The following NFKB1 variants were observed in gnomAD, a reference collection of about 807,000 sequenced individuals.
NFKB1 encodes the protein nuclear factor kappa B subunit 1.
NFKB1 carries 9 observed loss-of-function variants against 105.1 expected under a neutral mutation model. That is an observed-to-expected ratio of 0.09 (90% CI 0.05 to 0.15). The LOEUF is 0.15. NFKB1 is among the 10% of genes least tolerant of loss of function. NFKB1 has a pLI of 1.00. For missense variants in NFKB1, 830 were observed against 1,203.7 expected (o/e 0.69, Z 4.59); for synonymous variants, 440 against 442.2 (o/e 1.00, Z 0.06).
At chr4:102,588,444 CAAAAAAAAATA>C (rs1004034176) in intron 11 of NFKB1, among the ~76,000 whole-genome samples, 3 of 134,050 alleles carry the variant, frequency 2.2e-5, no homozygotes, top group African/African-American at 8.3e-5. Context: ...TGTACAAAAG[CAAAAAAAAATA>C]AAAAAAAAAT....
At chr4:102,600,249 A>C (rs1446017850) in intron 15 of NFKB1, among the ~76,000 whole-genome samples, 1 of 152,230 alleles carries the variant, frequency 6.6e-6, no homozygotes, top group Non-Finnish European at 1.5e-5. Context: ...GAGCAAAAAC[A>C]TTCCAGGCAG....
intron 3 of NFKB1, among the ~76,000 whole-genome samples, chr4:102,533,399 A>C (rs186496561): frequency 1.4e-4 from 22 of 152,340 alleles, no homozygotes; most frequent in Admixed American, 4.6e-4. Context: ...ATTTCACATT[A>C]AGCACACTCT....
rs534608285 is a variant in NFKB1, at chr4:102,557,465, A to G, written c.259-9522A>G. ...GCTCTTTATTGAAACATACTCCACTAGTTTGAGATCTTGGAGGTGTACCCC... is the reference window on the plus strand; with the variant it reads ...GCTCTTTATTGAAACATACTCCACTGGTTTGAGATCTTGGAGGTGTACCCC... On this transcript the variant is annotated intron_variant, in intron 5 of 23. Transcript: ENST00000226574. Among the ~76,000 whole-genome samples, 433 of 152,230 alleles carry G rather than the reference A, an allele frequency of 2.8e-3. 3 individuals are homozygous for G. The highest frequency in any genetic ancestry group is 0.02 in the Middle Eastern group (6 of 294).
Position 102,523,882 on chromosome 4 carries a change from C to T in NFKB1, c.-7-1630C>T, listed in dbSNP as rs537064069. 6.5e-4 allele frequency among the ~76,000 whole-genome samples: 99 copies of T among 152,218 alleles called. 1 individual carries two copies. The Middle Eastern group carries it at 0.027, about 42-fold the overall frequency. On this transcript the variant is annotated intron_variant, in intron 1 of 23. Transcript: ENST00000226574. The stretch of plus-strand genomic sequence containing the variant: ...TTGGTCAGATGGCCATCTCTAACTC[C>T]AACGAAGTGTAGGGTATACACTAGG...
chr4:102,596,388 G>C, intron 14 of NFKB1, 56 bp downstream of exon 14: 2 of 1,391,346 alleles, frequency 1.4e-6, no homozygotes, highest in Non-Finnish European at 1.9e-6. Flanking sequence ...GTCAGTCCTA[G>C]GTGCAGAAAG....
At chr4:102,565,812 G>A (rs230494) in intron 5 of NFKB1, among the ~76,000 whole-genome samples, 89,868 of 151,742 alleles carry the variant, frequency 0.59, 26,788 homozygotes, top group Middle Eastern at 0.71. Flanking sequence ...GAATTACTGC[G>A]TAGTTGAGAG....
At chr4:102,578,799 A>G (rs1158732637) in intron 7 of NFKB1, 82 bp from the exon 8 acceptor site, 3 of 1,428,390 alleles carry the variant, frequency 2.1e-6, no homozygotes, top group Non-Finnish European at 9.5e-7. Context: ...GTAAGTTTAC[A>G]TTATTTGGGC....
intron 4 of NFKB1, among the ~76,000 whole-genome samples, chr4:102,536,194 AGT>A (rs528394533): frequency 2.7e-4 from 41 of 152,284 alleles, no homozygotes; most frequent in African/African-American, 8.9e-4. Context: ...AAAAACCAAC[AGT>A]GTTTGCTTAC....
chr4:102,522,428 G>T (rs930473218), intron 1 of NFKB1, among the ~76,000 whole-genome samples: 1 of 152,182 alleles, frequency 6.6e-6, no homozygotes, highest in African/African-American at 2.4e-5. Flanking sequence ...GTGATCCTTT[G>T]GCAAGAATTG....
intron 1 of NFKB1, among the ~76,000 whole-genome samples, chr4:102,515,366 T>G (rs1189439965): frequency 2.0e-5 from 3 of 151,932 alleles, no homozygotes; most frequent in Non-Finnish European, 4.4e-5. Flanking sequence ...CGCCTCGGCC[T>G]CCCAAAGTGC....
intron 3 of NFKB1, among the ~76,000 whole-genome samples, chr4:102,532,076 G>A (rs1197836522): frequency 6.6e-6 from 1 of 151,990 alleles, no homozygotes; most frequent in Non-Finnish European, 1.5e-5. Context: ...TTTGGTGGGG[G>A]AATTTTTAAA....
chr4:102,562,604 T>A (rs984916495), intron 5 of NFKB1, among the ~76,000 whole-genome samples: 3 of 152,170 alleles, frequency 2.0e-5, no homozygotes, highest in Admixed American at 2.0e-4. Flanking sequence ...CATTAACTCA[T>A]TTAATCCTAA....
chr4:102,613,335 TG>T, intron 22 of NFKB1, 89 bp from the exon 23 acceptor site: 2 of 1,365,144 alleles, frequency 1.5e-6, no homozygotes, highest in South Asian at 2.6e-5. Flanking sequence ...GGAGGCAGCA[TG>T]GAAGAGGGAA....
At chr4:102,591,270 A>G (rs1726144519) in intron 11 of NFKB1, among the ~76,000 whole-genome samples, 1 of 152,142 alleles carries the variant, frequency 6.6e-6, no homozygotes, top group Non-Finnish European at 1.5e-5. Context: ...GAGAAGATGT[A>G]GAAATGCCTG....
chr4:102,598,037 G>A (rs997903522), intron 15 of NFKB1, among the ~76,000 whole-genome samples: 14 of 152,182 alleles, frequency 9.2e-5, no homozygotes, highest in African/African-American at 3.4e-4. Flanking sequence ...GCATATTTAT[G>A]ACAGTGTACT....
At chr4:102,538,723 A>G (rs891735549) in intron 5 of NFKB1, among the ~76,000 whole-genome samples, 2 of 152,216 alleles carry the variant, frequency 1.3e-5, no homozygotes, top group Non-Finnish European at 2.9e-5. Flanking sequence ...GATGATAAAC[A>G]TAGACTGGTA....
At chr4:102,601,808 A>G (rs1560711816) in intron 16 of NFKB1, among the ~76,000 whole-genome samples, 1 of 152,172 alleles carries the variant, frequency 6.6e-6, no homozygotes, top group African/African-American at 2.4e-5. Context: ...CTGGCATGAA[A>G]CCAAGATGGG....
chr4:102,506,485 C>A (rs1739423674), intron 1 of NFKB1, among the ~76,000 whole-genome samples: 1 of 152,166 alleles, frequency 6.6e-6, no homozygotes, highest in South Asian at 2.1e-4. Flanking sequence ...GTACTTTCCA[C>A]TTTCATACTT....
chr4:102,515,597 C>T (rs938086729), intron 1 of NFKB1, among the ~76,000 whole-genome samples: 18 of 151,736 alleles, frequency 1.2e-4, no homozygotes, highest in Non-Finnish European at 2.2e-4. Flanking sequence ...GTTACTTTAC[C>T]ACTTTAGAAA....
Sources: allele counts gnomAD v4.1 joint callset (sites outside exome capture counted in the v4.1 genomes callset), GRCh38; gene constraint gnomAD v4.1.1; transcripts MANE v1.5; gene names NCBI Gene and HGNC (gene_info 2026-07-23, HGNC 2026-07-21).